The following PGGT1B variants were observed in gnomAD, a reference collection of about 807,000 sequenced individuals.
The protein encoded by PGGT1B is protein geranylgeranyltransferase type I subunit beta.
In PGGT1B, 30 loss-of-function variants were observed where a neutral mutation model predicts 46.1. The observed-to-expected ratio is 0.65, with a 90% CI of 0.49 to 0.88. PGGT1B has a LOEUF of 0.88. Ranked by LOEUF, PGGT1B falls within the 40% of genes least tolerant of loss-of-function variation. The pLI is 0.00. For synonymous variants in PGGT1B, 170 were observed against 160.0 expected, an observed-to-expected ratio of 1.06 and a Z score of -0.47; for missense variants, 376 against 455.9, an observed-to-expected ratio of 0.82 and a Z score of 1.60.
chr5:115,223,583 C>T (rs1469145881), intron 6 of PGGT1B, among the ~76,000 whole-genome samples: 1 of 152,190 alleles, frequency 6.6e-6, no homozygotes, highest in Non-Finnish European at 1.5e-5. Context: ...GCCGGCCCTG[C>T]TGACATCTTG....
chr5:115,244,480 A>AAT, intron 2 of PGGT1B, among the ~76,000 whole-genome samples: 1 of 136,238 alleles, frequency 7.3e-6, no homozygotes, highest in African/African-American at 3.0e-5. Context: ...AAAAAAAAAA[A>AAT]AAAAAAAAAA....
intron 2 of PGGT1B, among the ~76,000 whole-genome samples, chr5:115,252,418 T>C (rs1378630421): frequency 1.3e-5 from 2 of 152,008 alleles, no homozygotes; most frequent in South Asian, 2.1e-4. Flanking sequence ...GAGATTTACA[T>C]ATGATTACTC....
chr5:115,222,975 G>A (rs893365889), intron 6 of PGGT1B, among the ~76,000 whole-genome samples: 1 of 152,112 alleles, frequency 6.6e-6, no homozygotes, highest in Non-Finnish European at 1.5e-5. Flanking sequence ...TTGTGGGGTG[G>A]GAGGAGTGGG....
intron 8 of PGGT1B, among the ~76,000 whole-genome samples, chr5:115,216,298 C>T (rs1251238112): frequency 6.6e-6 from 1 of 152,086 alleles, no homozygotes; most frequent in African/African-American, 2.4e-5. Context: ...CATCACCACA[C>T]CTGGCTGATT....
chr5:115,238,094 A>T, intron 3 of PGGT1B, 85 bp from the exon 4 acceptor site: 1 of 946,856 alleles, frequency 1.1e-6, no homozygotes, highest in Non-Finnish European at 1.6e-6. Flanking sequence ...GGTTTTAGTA[A>T]ATAGTAAAAT....
chr5:115,262,048 C>A (rs1748579322), intron 1 of PGGT1B, among the ~76,000 whole-genome samples: 1 of 152,224 alleles, frequency 6.6e-6, no homozygotes, highest in Non-Finnish European at 1.5e-5. Flanking sequence ...TCTCAAGCAG[C>A]TTTTGAGCTT....
intron 1 of PGGT1B, among the ~76,000 whole-genome samples, chr5:115,258,191 G>A (rs1286434014): frequency 6.6e-6 from 1 of 152,206 alleles, no homozygotes; most frequent in Non-Finnish European, 1.5e-5. Flanking sequence ...GAGGTTACAT[G>A]TTAAGTGCTA....
Position 115,209,860 on chromosome 5 carries a change from T to C in PGGT1B, c.*2542A>G, listed in dbSNP as rs1013638763. On this transcript the variant is annotated 3_prime_UTR_variant, in exon 9 of 9. Transcript: ENST00000419445. ...CCCTGTGTGTTAGGTTTTACCCTTA[T>C]TTTATCCACGGCAGAGTTAGGGTCC... 6.6e-6 allele frequency: 1 copy of C among 152,108 alleles called. No individual in the cohort carries two copies. The highest frequency in any genetic ancestry group is 2.4e-5 in the African/African-American group (1 of 41,434). 9.4% of individuals were successfully genotyped at this position (152,108 alleles called of 1,614,324 possible).
chr5:115,249,403 G>A (rs1747989280), intron 2 of PGGT1B, among the ~76,000 whole-genome samples: 1 of 152,158 alleles, frequency 6.6e-6, no homozygotes, highest in Non-Finnish European at 1.5e-5. Flanking sequence ...GGACAAGGGA[G>A]GGGAAGGGGT....
chr5:115,262,677 C>A, intron 1 of PGGT1B, 35 bp downstream of exon 1: 1 of 1,578,144 alleles, frequency 6.3e-7, no homozygotes, highest in South Asian at 1.2e-5. Context: ...GAGCCCGGGC[C>A]TTGTGCCAGC....
At chr5:115,218,361 T>G (rs1376020611) in intron 7 of PGGT1B, among the ~76,000 whole-genome samples, 1 of 148,876 alleles carries the variant, frequency 6.7e-6, no homozygotes, top group Non-Finnish European at 1.5e-5. Context: ...TCTTATAGAC[T>G]AAAGATAGGA....
chr5:115,257,330 T>A (rs576420055), intron 1 of PGGT1B, among the ~76,000 whole-genome samples: 62 of 151,974 alleles, frequency 4.1e-4, no homozygotes, highest in Admixed American at 1.4e-3. Flanking sequence ...CTGGCCAACA[T>A]GATGAAACTC....
Position 115,238,628 on chromosome 5 carries a change from T to C in PGGT1B, c.328-619A>G, listed in dbSNP as rs1032057396. Among the ~76,000 whole-genome samples, 5 of 152,166 alleles carry C rather than the reference T, an allele frequency of 3.3e-5. No homozygotes were observed. In the South Asian group the frequency reaches 1.0e-3, roughly 32 times the overall value. Reference sequence around the variant, plus strand: ...TGAAATACCACAGTAGTGATCACCATATAAGAAACTAAAAAACGATACAAT... The same window carrying C: ...TGAAATACCACAGTAGTGATCACCACATAAGAAACTAAAAAACGATACAAT... On this transcript the variant is annotated intron_variant, in intron 3 of 8. Transcript: ENST00000419445.
rs1756240206 is a variant in PGGT1B, at chr5:115,211,892, A to G, written c.*510T>C. 1 of 154,514 alleles carries G rather than the reference A, an allele frequency of 6.5e-6. No individual in the cohort carries two copies. 9.6% of individuals were successfully genotyped at this position (154,514 alleles called of 1,614,324 possible). A position where few individuals can be genotyped will look rare whatever the true frequency, so the allele number is the denominator to read the frequency against. ...TTGGCACACTTTACTTAAGAATAAG[A>G]CAAAATAAGTCACTCTTCTTTAAAA... On this transcript the variant is annotated 3_prime_UTR_variant, in exon 9 of 9. Transcript: ENST00000419445.
At chr5:115,249,060 T>C (rs1407941341) in intron 2 of PGGT1B, among the ~76,000 whole-genome samples, 1 of 152,202 alleles carries the variant, frequency 6.6e-6, no homozygotes, top group East Asian at 1.9e-4. Flanking sequence ...ACATATTTAC[T>C]TATGGTAAAC....
At chr5:115,252,376 T>G (rs1204361399) in intron 2 of PGGT1B, among the ~76,000 whole-genome samples, 1 of 152,020 alleles carries the variant, frequency 6.6e-6, no homozygotes, top group Non-Finnish European at 1.5e-5. Flanking sequence ...AAGTAAAGTT[T>G]TAGCTTATTA....
Position 115,205,901 on chromosome 5 carries a change from C to G in PGGT1B, c.*6501G>C, listed in dbSNP as rs1191718983. On this transcript the variant is annotated 3_prime_UTR_variant, in exon 9 of 9. Coordinates refer to ENST00000419445, the MANE Select transcript of PGGT1B (RefSeq NM_005023.4). ...TTATACATTTTCAAGGATCTCACAGCAATATTTTTGTAGTTGTGAAAAATA... is the reference window on the plus strand; with the variant it reads ...TTATACATTTTCAAGGATCTCACAGGAATATTTTTGTAGTTGTGAAAAATA... 6.7e-6 allele frequency: 1 copy of G among 148,916 alleles called. No homozygotes were observed. The highest frequency in any genetic ancestry group is 1.5e-5 in the Non-Finnish European group (1 of 67,418). The allele number at this position is 148,916 out of a possible 1,614,324, so 9.2% of individuals were successfully genotyped here.
At chr5:115,245,758 G>A (rs1456484254) in intron 2 of PGGT1B, among the ~76,000 whole-genome samples, 2 of 151,992 alleles carry the variant, frequency 1.3e-5, no homozygotes, top group Non-Finnish European at 2.9e-5. Context: ...ATACTGTCAT[G>A]AAAAAAGTGT....
rs551892454 is a variant in PGGT1B, at chr5:115,234,437, C to A, written c.612+1953G>T. Reference sequence around the variant, plus strand: ...AGGAGTCACACTTCTCTGTATATATCTTTTTGTATAGTTCTGACCTTAAGA... The same window carrying A: ...AGGAGTCACACTTCTCTGTATATATATTTTTGTATAGTTCTGACCTTAAGA... On this transcript the variant is annotated intron_variant, in intron 5 of 8. Transcript: ENST00000419445. Among the ~76,000 whole-genome samples, 36 of 152,016 alleles carry A rather than the reference C, an allele frequency of 2.4e-4. No homozygotes were observed. In the South Asian group the frequency reaches 7.2e-3, roughly 31 times the overall value.
Sources: allele counts gnomAD v4.1 joint callset (sites outside exome capture counted in the v4.1 genomes callset), GRCh38; gene constraint gnomAD v4.1.1; transcripts MANE v1.5; gene names NCBI Gene and HGNC (gene_info 2026-07-23, HGNC 2026-07-21).